RBFOX1: variants seen among roughly 807,000 people sequenced by gnomAD.
RBFOX1 encodes the protein RNA binding fox-1 homolog 1.
Under a neutral mutation model 57.7 loss-of-function variants are expected in RBFOX1, and 8 were observed. The observed-to-expected ratio is 0.14, with a 90% CI of 0.08 to 0.25. The LOEUF (loss-of-function observed/expected upper bound fraction) is 0.25, where lower values mean the gene tolerates loss of function less well. Among genes scored for constraint, RBFOX1 ranks in the 10% least tolerant of loss-of-function variants. RBFOX1 has a pLI of 1.00. For missense variants in RBFOX1, 611 were observed against 548.5 expected, an observed-to-expected ratio of 1.11 and a Z score of -1.14; for synonymous variants, 326 against 222.4, an observed-to-expected ratio of 1.47 and a Z score of -4.15.
intron 1 of RBFOX1, among the ~76,000 whole-genome samples, chr16:5,351,278 G>A (rs767833545): frequency 2.4e-4 from 36 of 152,190 alleles, no homozygotes; most frequent in Non-Finnish European, 2.5e-4. Flanking sequence ...TCTGTTAAGC[G>A]CTATGCCAGG....
At chr16:6,193,711 T>C (rs1239638601) in intron 1 of RBFOX1, among the ~76,000 whole-genome samples, 2 of 152,138 alleles carry the variant, frequency 1.3e-5, no homozygotes, top group Admixed American at 1.3e-4. Context: ...GATTTTTACC[T>C]TGATTCTCAC....
In RBFOX1 at chr16:6,234,334, G is replaced by T. The variant is rs181151253; in HGVS notation, c.-126-82661G>T. Among the ~76,000 whole-genome samples the T allele has an allele frequency of 4.6e-5, 7 of 152,258 alleles. No individual in the cohort carries two copies. The East Asian group carries it at 1.3e-3, about 29-fold the overall frequency. On this transcript the variant is annotated intron_variant, in intron 1 of 15. Transcript: ENST00000550418. ...TCTCTCCTTTTTGGCATTTAGTTCAGTTGTAAATTTACATTTGTTTATGTG... is the reference window on the plus strand; with the variant it reads ...TCTCTCCTTTTTGGCATTTAGTTCATTTGTAAATTTACATTTGTTTATGTG...
intron 3 of RBFOX1, among the ~76,000 whole-genome samples, chr16:6,760,678 C>G (rs558589937): frequency 2.0e-5 from 3 of 152,162 alleles, no homozygotes; most frequent in African/African-American, 7.2e-5. Context: ...CAATCTTTCC[C>G]TTTCTCTGCA....
rs989946977 is a variant in RBFOX1, at chr16:5,917,071, C to T, written c.351+49736C>T. On this transcript the variant is annotated intron_variant, in intron 4 of 19. Coordinates refer to the RBFOX1 transcript ENST00000641259. ...TTCTCCCTTCACCGCACCCTGCAGGCGTGGCCCCACTTGAACCTGCTCTAC... is the reference window on the plus strand; with the variant it reads ...TTCTCCCTTCACCGCACCCTGCAGGTGTGGCCCCACTTGAACCTGCTCTAC... 5.3e-5 allele frequency among the ~76,000 whole-genome samples: 8 copies of T among 152,098 alleles called. 1 individual carries two copies. The highest frequency in any genetic ancestry group is 8.8e-5 in the Non-Finnish European group (6 of 68,022).
At chr16:5,732,231 C>T (rs2052401535) in intron 3 of RBFOX1, among the ~76,000 whole-genome samples, 1 of 152,156 alleles carries the variant, frequency 6.6e-6, no homozygotes, top group Admixed American at 6.6e-5. Flanking sequence ...GAATTTTCTG[C>T]TAATTCCTGC....
intron 4 of RBFOX1, among the ~76,000 whole-genome samples, chr16:7,319,911 C>G (rs2096514896): frequency 1.3e-5 from 2 of 152,030 alleles, no homozygotes; most frequent in African/African-American, 4.8e-5. Context: ...CTGGATGAGT[C>G]AAAGTGTTGG....
rs142766171 is a variant in RBFOX1, at chr16:6,520,610, C to G, written c.-63-133993C>G. On this transcript the variant is annotated intron_variant, in intron 2 of 15. Coordinates refer to ENST00000550418, the MANE Select transcript of RBFOX1 (RefSeq NM_018723.4). The stretch of plus-strand genomic sequence containing the variant: ...AATTCATTAGAAAGATATGTGGGCA[C>G]CTTTAGCTTGAAGGGGAGGGCTGAA... 1.1e-3 allele frequency among the ~76,000 whole-genome samples: 162 copies of G among 152,220 alleles called. 1 individual carries two copies. The highest frequency in any genetic ancestry group is 3.7e-3 in the African/African-American group (153 of 41,536).
intron 3 of RBFOX1, among the ~76,000 whole-genome samples, chr16:6,728,443 G>A (rs1244754644): frequency 6.6e-6 from 1 of 152,110 alleles, no homozygotes. Flanking sequence ...CATAACCTTG[G>A]AAATTGTTCA....
chr16:7,224,197 C>T (rs895061697), intron 4 of RBFOX1, among the ~76,000 whole-genome samples: 1 of 130,676 alleles, frequency 7.7e-6, no homozygotes, highest in Non-Finnish European at 1.6e-5. Flanking sequence ...CAGTGCAATA[C>T]TATAATGGGA....
At chr16:6,459,160 C>A (rs1438588661) in intron 2 of RBFOX1, among the ~76,000 whole-genome samples, 2 of 152,098 alleles carry the variant, frequency 1.3e-5, no homozygotes, top group Admixed American at 1.3e-4. Flanking sequence ...ACAGTGAAAC[C>A]CCGTCTCTAC....
At chr16:6,351,527 C>T (rs964357741) in intron 2 of RBFOX1, among the ~76,000 whole-genome samples, 1 of 151,732 alleles carries the variant, frequency 6.6e-6, no homozygotes, top group African/African-American at 2.4e-5. Flanking sequence ...GCACCTGCCA[C>T]CCTGCCCAGC....
intron 4 of RBFOX1, among the ~76,000 whole-genome samples, chr16:5,973,455 C>A (rs185966674): frequency 6.6e-6 from 1 of 152,304 alleles, no homozygotes; most frequent in Non-Finnish European, 1.5e-5. Context: ...AGCCAGAGTT[C>A]CCTTAGCAGT....
At chr16:5,698,462 A>G (rs2151476422) in intron 3 of RBFOX1, among the ~76,000 whole-genome samples, 1 of 152,252 alleles carries the variant, frequency 6.6e-6, no homozygotes, top group East Asian at 1.9e-4. Context: ...TTGGTAATTT[A>G]AGTTTTTCTA....
At chr16:6,254,068 A>C (rs1233183709) in intron 1 of RBFOX1, among the ~76,000 whole-genome samples, 1 of 152,180 alleles carries the variant, frequency 6.6e-6, no homozygotes, top group Non-Finnish European at 1.5e-5. Context: ...ATGGAAAGAC[A>C]AACTTACGAT....
chr16:5,886,473 T>A (rs1016383329), intron 4 of RBFOX1, among the ~76,000 whole-genome samples: 4 of 152,344 alleles, frequency 2.6e-5, no homozygotes, highest in African/African-American at 9.6e-5. Flanking sequence ...TGGAGACCAT[T>A]TCTCCATGGA....
chr16:7,171,051 T>A (rs1228766760), intron 4 of RBFOX1, among the ~76,000 whole-genome samples: 1 of 152,182 alleles, frequency 6.6e-6, no homozygotes, highest in Admixed American at 6.5e-5. Context: ...TCATTTCCAT[T>A]TGTCTGAATC....
intron 2 of RBFOX1, among the ~76,000 whole-genome samples, chr16:6,560,473 A>G (rs1197052936): frequency 6.6e-6 from 1 of 152,122 alleles, no homozygotes; most frequent in African/African-American, 2.4e-5. Context: ...GAAAACAGTC[A>G]AAGCAAAAGA....
chr16:7,555,157 C>T (rs1175804471), intron 5 of RBFOX1, among the ~76,000 whole-genome samples: 2 of 152,158 alleles, frequency 1.3e-5, no homozygotes, highest in Non-Finnish European at 2.9e-5. Context: ...TTACCCTCAA[C>T]TCAGATTTAA....
intron 4 of RBFOX1, among the ~76,000 whole-genome samples, chr16:7,227,290 A>ACCCCCCCCCCCCCC (rs113618012): frequency 9.5e-6 from 1 of 105,316 alleles, no homozygotes; most frequent in Admixed American, 1.2e-4. Context: ...ACCCCACCCC[A>ACCCCCCCCCCCCCC]CCCCCACACA....
Sources: allele counts gnomAD v4.1 joint callset (sites outside exome capture counted in the v4.1 genomes callset), GRCh38; gene constraint gnomAD v4.1.1; transcripts MANE v1.5; gene names NCBI Gene and HGNC (gene_info 2026-07-23, HGNC 2026-07-21).